TRIM22: variants seen among roughly 807,000 people sequenced by gnomAD.
The protein encoded by TRIM22 is tripartite motif containing 22, also known as E3 ubiquitin-protein ligase TRIM22.
In TRIM22, 45 loss-of-function variants were observed where a neutral mutation model predicts 53.6. The observed-to-expected ratio is 0.84, with a 90% confidence interval of 0.66 to 1.08. The LOEUF is 1.08. Ranked by LOEUF, TRIM22 falls within the 50% of genes least tolerant of loss-of-function variation. The probability of loss-of-function intolerance (pLI) is 0.00; values close to 1 mark genes in which losing one functional copy is unlikely to be tolerated. For missense variants in TRIM22, 616 were observed against 590.9 expected (o/e 1.04, Z -0.44); for synonymous variants, 225 against 216.6 (o/e 1.04, Z -0.34).
intron 1 of TRIM22, among the ~76,000 whole-genome samples, chr11:5,695,558 G>T (rs1853243963): frequency 7.3e-6 from 1 of 136,540 alleles, no homozygotes; most frequent in African/African-American, 2.7e-5. Context: ...AGGAGTGATG[G>T]CATTAGGGTT....
intron 4 of TRIM22, among the ~76,000 whole-genome samples, chr11:5,700,019 T>G (rs970862353): frequency 7.5e-6 from 1 of 134,164 alleles, no homozygotes; most frequent in African/African-American, 2.9e-5. Context: ...CATAGAAGAG[T>G]TTTTTTTTTA....
Position 5,698,459 on chromosome 11 carries a change from C to G in TRIM22, c.664C>G (p.Gln222Glu). Residue 222 changes from glutamine to glutamate, a missense_variant, in exon 4 of 8, where the codon CAG becomes GAG. Gln to Glu is a conservative substitution (Grantham distance 29). Transcript: ENST00000379965. Reference sequence around the variant, plus strand: ...GGATAACCTGGCAGCAGCTACAGACCAGCTGGTCCAGCAGAGGCAGGATGC... The same window carrying G: ...GGATAACCTGGCAGCAGCTACAGACGAGCTGGTCCAGCAGAGGCAGGATGC... Reference protein sequence around the residue: ...VLDNLAAATDQLVQQRQDAST... With the variant: ...VLDNLAAATDELVQQRQDAST... 6.2e-7 allele frequency: 1 copy of G among 1,614,094 alleles called. No individual in the cohort carries two copies. The highest frequency in any genetic ancestry group is 8.5e-7 in the Non-Finnish European group (1 of 1,179,982).
Position 5,708,245 on chromosome 11 carries a change from T to C in TRIM22, c.846T>C (p.Asp282=). The C allele has an allele frequency of 5.6e-6, 9 of 1,614,148 alleles. No homozygotes were observed. Among genetic ancestry groups the C allele is most frequent in the Non-Finnish European group, 6.8e-6 (8 of 1,180,008 alleles). ...TAAAGAGTGTATTCCGAGTACCAGATCTGAGTGGGATGCTGCAAGTTCTTA... is the reference window on the plus strand; with the variant it reads ...TAAAGAGTGTATTCCGAGTACCAGACCTGAGTGGGATGCTGCAAGTTCTTA... ...KKLKSVFRVP[D]LSGMLQVLKE... Residue 282 remains aspartate, a synonymous_variant, in exon 6 of 8, where the codon GAT becomes GAC. Transcript: ENST00000379965.
intron 1 of TRIM22, among the ~76,000 whole-genome samples, chr11:5,693,595 C>A (rs1480618726): frequency 6.6e-6 from 1 of 151,462 alleles, no homozygotes; most frequent in East Asian, 2.0e-4. Flanking sequence ...TGGTGGCGGG[C>A]GCCTGTAGTC....
At position 5,698,523 on chromosome 11, in the gene TRIM22, G is replaced by C. The variant is rs1853310926; in HGVS notation, c.728G>C (p.Gly243Ala). ...LISDLQRRLRGSSVEMLQDVI... is the reference protein window; with the variant it reads ...LISDLQRRLRASSVEMLQDVI... ...TCAGATCTCCAGCGGAGGTTGAGGG[G>C]ATCGTCAGTAGAGATGCTGCAGGTA... The change falls in exon 4 of 8, where the codon GGA becomes GCA. Residue 243 changes from glycine to alanine, a missense_variant. Transcript: ENST00000379965. 2 of 1,613,510 alleles carry C rather than the reference G, an allele frequency of 1.2e-6. No individual in the cohort carries two copies. Among genetic ancestry groups the C allele is most frequent in the Non-Finnish European group, 1.7e-6 (2 of 1,179,610 alleles).
At chr11:5,695,095 G>C (rs1269123536) in intron 1 of TRIM22, among the ~76,000 whole-genome samples, 1 of 152,138 alleles carries the variant, frequency 6.6e-6, no homozygotes, top group African/African-American at 2.4e-5. Context: ...AACAAAAAAA[G>C]TCCCAGGTCT....
Position 5,708,616 on chromosome 11 carries a change from G to A in TRIM22, c.901+13G>A, listed in dbSNP as rs1853502561. The A allele has an allele frequency of 6.2e-7, 1 of 1,604,672 alleles. No individual in the cohort carries two copies. The highest frequency in any genetic ancestry group is 1.3e-5 in the African/African-American group (1 of 74,122). On this transcript the variant is annotated intron_variant, in intron 7 of 7. Transcript: ENST00000379965. ...CAGTACTACTGGGGTAAGATGATAT[G>A]GGGTTTTCAAATCACTTCCTTTCAG...
In TRIM22 at chr11:5,696,596, T is replaced by C; in HGVS notation, c.364T>C (p.Ser122Pro). The C allele has an allele frequency of 1.2e-6, 2 of 1,613,962 alleles. No homozygotes were observed. Among genetic ancestry groups the C allele is most frequent in the Middle Eastern group, 1.6e-4 (1 of 6,062 alleles). Residue 122 changes from serine to proline, a missense_variant, in exon 2 of 8, where the codon TCT (serine) becomes CCT (proline). Transcript: ENST00000379965. ...AGTCATTTGCTGGGTTTGTGAACTG[T>C]CTCAGGAACACCAAGGTCACCAAAC... ...GKVICWVCEL[S>P]QEHQGHQTFR... is the part of the protein sequence containing the mutation.
chr11:5,699,530 C>CAAAAAAAAAA lies in TRIM22; in HGVS notation c.750+1015_750+1024dup, dbSNP rs71053298. Among the ~76,000 whole-genome samples, 10 of 28,544 alleles carry CAAAAAAAAAA rather than the reference C, an allele frequency of 3.5e-4. 3 individuals are homozygous for CAAAAAAAAAA. The highest frequency in any genetic ancestry group is 2.9e-3 in the Admixed American group (4 of 1,384). 18.7% of individuals were successfully genotyped at this position (28,544 alleles called of 152,430 possible). Reference sequence around the variant, plus strand: ...TGGGCGACAGAGCGAGACTCCGTCTCAAAAAAAAAAAAAAAAAAAAAAAAA... The same window carrying CAAAAAAAAAA: ...TGGGCGACAGAGCGAGACTCCGTCTCAAAAAAAAAAAAAAAAAAAAAAAAAAAAAAAAAAA... On this transcript the variant is annotated intron_variant, in intron 4 of 7. Transcript: ENST00000379965.
chr11:5,697,316 C>T lies in TRIM22; in HGVS notation c.492C>T (p.Asp164=). 1 of 1,613,666 alleles carries T rather than the reference C, an allele frequency of 6.2e-7. No homozygotes were observed. The highest frequency in any genetic ancestry group is 8.5e-7 in the Non-Finnish European group (1 of 1,179,786). Residue 164 remains aspartate, a synonymous_variant, in exon 3 of 8, where the codon GAC becomes GAT. Coordinates refer to ENST00000379965, the MANE Select transcript of TRIM22 (RefSeq NM_006074.5). ...EDQEAEKLED[D]IRQERTAWKN... ...AAGAGGCTGAGAAGCTGGAAGATGA[C>T]ATCAGACAAGAGAGAACCGCCTGGA...
At position 5,709,188 on chromosome 11, in the gene TRIM22, G is replaced by A. The variant is rs573841095; in HGVS notation, c.1037G>A (p.Gly346Asp). 3 of 1,614,094 alleles carry A rather than the reference G, an allele frequency of 1.9e-6. No homozygotes were observed. Among genetic ancestry groups the A allele is most frequent in the African/African-American group, 2.7e-5 (2 of 75,014 alleles). The change falls in exon 8 of 8, where the codon GGC becomes GAC. Residue 346 changes from glycine (G) to aspartate (D), a missense_variant. Transcript: ENST00000379965. ...GATTTTTCTGCTTTTGGTGTCTTCG[G>A]CTGCCAATATTTCTCTTCGGGGAAA... ...PCDFSAFGVF[G>D]CQYFSSGKYY...
At position 5,709,563 on chromosome 11, in the gene TRIM22, G is replaced by C. The variant is rs371139090; in HGVS notation, c.1412G>C (p.Gly471Ala). Reference sequence around the variant, plus strand: ...GGAGCACTCATCTACAAGTTCTCTGGATGTCGCTTTTCTCGACCTGCTTAT... The same window carrying C: ...GGAGCACTCATCTACAAGTTCTCTGCATGTCGCTTTTCTCGACCTGCTTAT... ...NHGALIYKFS[G>A]CRFSRPAYPY... Residue 471 changes from glycine (G) to alanine (A), a missense_variant, in exon 8 of 8, where the codon GGA becomes GCA. Transcript: ENST00000379965. 2 of 1,613,716 alleles carry C rather than the reference G, an allele frequency of 1.2e-6. No homozygotes were observed. The highest frequency in any genetic ancestry group is 1.3e-5 in the African/African-American group (1 of 74,822).
Position 5,696,373 on chromosome 11 carries a change from G to A in TRIM22, c.141G>A (p.Val47=). Reference sequence around the variant, plus strand: ...TCACTGCAAAGATCAAGGAGTCAGTGATCATCTCAAGAGGGGAAAGCAGCT... The same window carrying A: ...TCACTGCAAAGATCAAGGAGTCAGTAATCATCTCAAGAGGGGAAAGCAGCT... The part of the protein sequence containing the change: ...ACITAKIKES[V]IISRGESSCP... Residue 47 remains valine (V), a synonymous_variant, in exon 2 of 8, where the codon GTG becomes GTA. Transcript: ENST00000379965. 6.2e-7 allele frequency: 1 copy of A among 1,614,262 alleles called. No homozygotes were observed. The highest frequency in any genetic ancestry group is 8.5e-7 in the Non-Finnish European group (1 of 1,180,050).
At chr11:5,697,060 C>T (rs965893909) in intron 2 of TRIM22, 188 bp from the exon 3 acceptor site, 2 of 550,904 alleles carry the variant, frequency 3.6e-6, no homozygotes, top group African/African-American at 3.8e-5. Flanking sequence ...TGGTGACTTC[C>T]ATCATCCAGG....
chr11:5,695,810 G>T (rs1383508429), intron 1 of TRIM22, among the ~76,000 whole-genome samples: 2 of 152,120 alleles, frequency 1.3e-5, no homozygotes, highest in African/African-American at 2.4e-5. Context: ...CAGGGGCAGG[G>T]GTGTGTTTAG....
chr11:5,709,530 C>A lies in TRIM22; in HGVS notation c.1379C>A (p.Thr460Lys). ...EAGIVSFFNVTNHGALIYKFS... is the reference protein window; with the variant it reads ...EAGIVSFFNVKNHGALIYKFS... Reference sequence around the variant, plus strand: ...GGCATTGTCTCATTTTTCAATGTCACAAACCACGGAGCACTCATCTACAAG... The same window carrying A: ...GGCATTGTCTCATTTTTCAATGTCAAAAACCACGGAGCACTCATCTACAAG... The change falls in exon 8 of 8, where the codon ACA (threonine) becomes AAA (lysine). Residue 460 changes from threonine to lysine, a missense_variant. Physicochemically the swap from Thr to Lys is moderately conservative, Grantham distance 78 (BLOSUM62 -1). Transcript: ENST00000379965. The A allele has an allele frequency of 6.2e-7, 1 of 1,614,126 alleles. No individual in the cohort carries two copies. The highest frequency in any genetic ancestry group is 8.5e-7 in the Non-Finnish European group (1 of 1,180,022).
chr11:5,701,379 C>T (rs1006320722), intron 4 of TRIM22, among the ~76,000 whole-genome samples: 4 of 149,914 alleles, frequency 2.7e-5, no homozygotes, highest in South Asian at 4.1e-4. Flanking sequence ...AGTATTACAG[C>T]TGTCTGTTAC....
chr11:5,699,581 G>T (rs1417647119), intron 4 of TRIM22, among the ~76,000 whole-genome samples: 3 of 131,552 alleles, frequency 2.3e-5, no homozygotes, highest in East Asian at 2.6e-4. Flanking sequence ...AGTGTTGTAT[G>T]TTGTTTATGT....
At chr11:5,692,158 A>G (rs1023520718) in intron 1 of TRIM22, among the ~76,000 whole-genome samples, 2 of 152,186 alleles carry the variant, frequency 1.3e-5, no homozygotes, top group African/African-American at 2.4e-5. Flanking sequence ...TAATGTAGCA[A>G]AAAGGTAGCA....
Sources: gnomAD v4.1 joint callset for allele counts (sites outside exome capture counted in the v4.1 genomes callset) on GRCh38, gnomAD v4.1.1 for gene constraint, MANE v1.5 for transcripts, NCBI Gene and HGNC (gene_info 2026-07-23, HGNC 2026-07-21) for gene names.